Variants in GTF3C1 observed in about 807,000 individuals in gnomAD.
GTF3C1 encodes the protein general transcription factor IIIC subunit 1.
GTF3C1 carries 57 observed loss-of-function variants against 226.7 expected under a neutral mutation model. The observed-to-expected ratio is 0.25, with a 90% CI of 0.20 to 0.31. The LOEUF is 0.31. Among genes scored for constraint, GTF3C1 ranks in the 10% least tolerant of loss-of-function variants. The pLI is 1.00. For synonymous variants in GTF3C1, 1,090 were observed against 1,084.8 expected, an observed-to-expected ratio of 1.00 and a Z score of -0.09; for missense variants, 2,217 against 2,776.1, an observed-to-expected ratio of 0.80 and a Z score of 4.53.
Position 27,462,285 on chromosome 16 carries a change from G to A in GTF3C1, c.6117+9C>T. 1.3e-6 allele frequency: 2 copies of A among 1,544,428 alleles called. No individual in the cohort carries two copies. The highest frequency in any genetic ancestry group is 1.7e-6 in the Non-Finnish European group (2 of 1,144,400). On this transcript the variant is annotated intron_variant, in intron 36 of 36. Transcript: ENST00000356183. The surrounding 1 kb of genome is among the most constrained non-coding windows in gnomAD (Gnocchi z 4.5). ...TCCACACCCTGCTGAACCCAGGAAG[G>A]CCCCACACCTGGAGCAACTCCAGCA...
At chr16:27,544,291 G>A (rs1300969563) in intron 2 of GTF3C1, among the ~76,000 whole-genome samples, 1 of 151,830 alleles carries the variant, frequency 6.6e-6, no homozygotes, top group East Asian at 1.9e-4. Flanking sequence ...GGTGGAAGGT[G>A]GGAAGATCAC....
intron 1 of GTF3C1, among the ~76,000 whole-genome samples, chr16:27,549,112 C>A (rs777912110): frequency 1.1e-4 from 16 of 152,140 alleles, no homozygotes; most frequent in Admixed American, 2.0e-4. Context: ...GAGCCAAGAT[C>A]GCGCCACTGC....
At chr16:27,540,882 C>T (rs750419085) in intron 2 of GTF3C1, among the ~76,000 whole-genome samples, 2 of 152,000 alleles carry the variant, frequency 1.3e-5, no homozygotes, top group Non-Finnish European at 2.9e-5. Flanking sequence ...TTCCTGTTGC[C>T]CAGGCTGGAG....
At chr16:27,464,929 C>A in intron 33 of GTF3C1, 93 bp from the exon 34 acceptor site, 1 of 1,102,392 alleles carries the variant, frequency 9.1e-7, no homozygotes, top group Non-Finnish European at 1.3e-6. Flanking sequence ...CCCTGACTGG[C>A]GGGTTGAGTG....
chr16:27,479,486 A>G (rs961513236), intron 27 of GTF3C1, among the ~76,000 whole-genome samples: 9 of 152,244 alleles, frequency 5.9e-5, no homozygotes, highest in South Asian at 2.1e-4. Context: ...CTTGACTGCA[A>G]TAGTAAATTC....
At chr16:27,498,822 C>A in intron 12 of GTF3C1, 89 bp from the exon 13 acceptor site, 2 of 761,520 alleles carry the variant, frequency 2.6e-6, no homozygotes, top group South Asian at 2.8e-5. Context: ...GAACCTCAGT[C>A]ATACCTGTTT....
rs767071361 is a variant in GTF3C1, at chr16:27,506,014, C to A, written c.1655G>T (p.Ser552Ile). 1.2e-6 allele frequency: 2 copies of A among 1,613,344 alleles called. No homozygotes were observed. Among genetic ancestry groups the A allele is most frequent in the African/African-American group, 2.7e-5 (2 of 74,922 alleles). Reference sequence around the variant, plus strand: ...TGAGACGCTGCTGGTATCTAAGAGGCTGTCCCTGCTGGCAAGGCTCTGGCA... The same window carrying A: ...TGAGACGCTGCTGGTATCTAAGAGGATGTCCCTGCTGGCAAGGCTCTGGCA... ...RACQSLASRD[S>I]LLDTSSVSEP... Residue 552 changes from serine (S) to isoleucine (I), a missense_variant, in exon 10 of 37, where the codon AGC becomes ATC. Physicochemically the swap from Ser to Ile is moderately radical, Grantham distance 142 (BLOSUM62 -2). Coordinates refer to ENST00000356183, the MANE Select transcript of GTF3C1 (RefSeq NM_001520.4).
At chr16:27,474,635 T>A (rs1487385839) in intron 29 of GTF3C1, among the ~76,000 whole-genome samples, 2 of 152,134 alleles carry the variant, frequency 1.3e-5, no homozygotes. Context: ...TAAAATACGG[T>A]CTGTGGACTG....
At chr16:27,478,372 G>T in intron 28 of GTF3C1, 97 bp downstream of exon 28, 1 of 845,680 alleles carries the variant, frequency 1.2e-6, no homozygotes, top group Non-Finnish European at 2.1e-6. Flanking sequence ...ACAGGTAGTG[G>T]GCTGGATTTG....
In GTF3C1 at chr16:27,549,904, G is replaced by A. The variant is rs766668052; in HGVS notation, c.-14C>T. 8 of 1,601,416 alleles carry A rather than the reference G, an allele frequency of 5.0e-6. No individual in the cohort carries two copies. The highest frequency in any genetic ancestry group is 2.2e-5 in the East Asian group (1 of 44,694). ...CAGCGCGTCCATTGCTACTTCAGTC[G>A]GCGGCGCCCGGGGCGCATGCGCAAC... is the stretch of plus-strand genomic sequence containing the variant. On this transcript the variant is annotated 5_prime_UTR_variant, in exon 1 of 37. Transcript: ENST00000356183.
intron 6 of GTF3C1, among the ~76,000 whole-genome samples, chr16:27,512,944 C>T (rs539702581): frequency 6.6e-5 from 10 of 152,272 alleles, no homozygotes; most frequent in African/African-American, 2.4e-4. Flanking sequence ...TCCTGTGATA[C>T]GCGACAACCT....
intron 11 of GTF3C1, among the ~76,000 whole-genome samples, chr16:27,502,390 C>T (rs2088420096): frequency 6.6e-6 from 1 of 152,164 alleles, no homozygotes; most frequent in African/African-American, 2.4e-5. Flanking sequence ...GAGTTCAGAG[C>T]CTCTACTCCA....
chr16:27,495,578 T>A, intron 14 of GTF3C1, 86 bp from the exon 15 acceptor site: 1 of 1,270,052 alleles, frequency 7.9e-7, no homozygotes, highest in South Asian at 1.4e-5. Flanking sequence ...TGAGTGCCAC[T>A]ATGTGCCAGG....
chr16:27,522,987 G>A (rs1450210057), intron 6 of GTF3C1, among the ~76,000 whole-genome samples: 1 of 152,018 alleles, frequency 6.6e-6, no homozygotes, highest in Admixed American at 6.6e-5. Flanking sequence ...GCTCTGAGGA[G>A]AGTCGATCTC....
In GTF3C1 at chr16:27,470,149, G is replaced by A. The variant is rs372971649; in HGVS notation, c.4773C>T (p.Ile1591=). The A allele has an allele frequency of 4.3e-6, 7 of 1,614,014 alleles. No individual in the cohort carries two copies. Among genetic ancestry groups the A allele is most frequent in the South Asian group, 3.3e-5 (3 of 91,078 alleles). The part of the protein sequence containing the change: ...SVDVRIPEQI[I]VVDSSMVENE... ...TCTCCACCATTGAGCTGTCTACCAC[G>A]ATGATCTGCTCCGGGATCCTGACAT... The change falls in exon 31 of 37, where the codon ATC becomes ATT. Residue 1591 remains isoleucine, a synonymous_variant. Coordinates refer to ENST00000356183, the MANE Select transcript of GTF3C1 (RefSeq NM_001520.4). This position sits in a 1 kb window ranked among gnomAD's most constrained non-coding sequence, Gnocchi z 4.9.
At chr16:27,512,127 A>G (rs2088583098) in intron 6 of GTF3C1, among the ~76,000 whole-genome samples, 1 of 152,174 alleles carries the variant, frequency 6.6e-6, no homozygotes, top group South Asian at 2.1e-4. Flanking sequence ...TGAGTGAAGA[A>G]AGCAATGCAA....
chr16:27,524,144 C>T (rs1195051442), intron 6 of GTF3C1, among the ~76,000 whole-genome samples: 4 of 152,220 alleles, frequency 2.6e-5, no homozygotes, highest in Non-Finnish European at 4.4e-5. Flanking sequence ...GCAGGCTATA[C>T]AGTGGGAAGC....
intron 6 of GTF3C1, among the ~76,000 whole-genome samples, chr16:27,518,657 C>T (rs1040809788): frequency 2.0e-5 from 3 of 152,116 alleles, no homozygotes; most frequent in African/African-American, 7.2e-5. Flanking sequence ...CTGTGCTGGG[C>T]CCAGAACATG....
rs913545890 is a variant in GTF3C1 at position 27,487,638 on chromosome 16, A to G, written c.3700+589T>C. On this transcript the variant is annotated intron_variant, in intron 23 of 36. Transcript: ENST00000356183. The stretch of plus-strand genomic sequence containing the variant: ...GCAAAACCCCGTCTCTACTAAAAAT[A>G]TAAAATTAACCGGGTGTGGTGGCGC... Among the ~76,000 whole-genome samples the G allele has an allele frequency of 2.0e-5, 3 of 152,140 alleles. No individual in the cohort carries two copies. The South Asian group carries it at 6.2e-4, about 31-fold the overall frequency.
Sources: gnomAD v4.1 joint callset for allele counts (sites outside exome capture counted in the v4.1 genomes callset) on GRCh38, gnomAD v4.1.1 for gene constraint, Gnocchi (gnomAD v3.1) non-coding constraint, MANE v1.5 for transcripts, NCBI Gene and HGNC (gene_info 2026-07-23, HGNC 2026-07-21) for gene names.